Variants in GPHN observed in about 807,000 individuals in gnomAD.
GPHN encodes gephyrin.
GPHN carries 17 observed loss-of-function variants against 95.5 expected under a neutral mutation model. The observed-to-expected ratio is 0.18, with a 90% CI of 0.12 to 0.27. The LOEUF is 0.27. GPHN is among the 10% of genes least tolerant of loss of function. GPHN has a pLI of 1.00. For missense variants in GPHN, 660 were observed against 978.1 expected, an observed-to-expected ratio of 0.67 and a Z score of 4.34; for synonymous variants, 320 against 322.5, an observed-to-expected ratio of 0.99 and a Z score of 0.08.
chr14:66,994,272 G>A (rs1006299485), intron 9 of GPHN, among the ~76,000 whole-genome samples: 4 of 152,048 alleles, frequency 2.6e-5, no homozygotes, highest in South Asian at 2.1e-4. Context: ...AGGCTGAAGC[G>A]AGAGAATTGC....
chr14:67,473,231 A>T, the GPHN span: 1 of 725,484 alleles, frequency 1.4e-6, no homozygotes, highest in Non-Finnish European at 2.2e-6. This position sits in a 1 kb window ranked among gnomAD's most constrained non-coding sequence, Gnocchi z 6.5. Context: ...TCCACACCCC[A>T]TCCCCCAACA....
the GPHN span, among the ~76,000 whole-genome samples, chr14:67,371,174 G>A: frequency 0.16 from 23,566 of 151,960 alleles, 3,454 homozygotes; most frequent in East Asian, 0.42. Context: ...CAGCAATTTC[G>A]GATGCTGAGA....
the GPHN span, chr14:67,473,143 C>T: frequency 2.1e-6 from 1 of 473,324 alleles, no homozygotes; most frequent in African/African-American, 2.0e-5. This position sits in a 1 kb window ranked among gnomAD's most constrained non-coding sequence, Gnocchi z 6.5. Flanking sequence ...TCCATCGCTG[C>T]TCAGCCACAG....
chr14:67,662,337 T>G, the GPHN span: 1 of 742,812 alleles, frequency 1.3e-6, no homozygotes, highest in Non-Finnish European at 2.2e-6. Context: ...ACCATCCCCA[T>G]CAACTGGCTT....
chr14:66,940,424 CT>C (rs1439916298), intron 8 of GPHN, among the ~76,000 whole-genome samples: 3 of 152,108 alleles, frequency 2.0e-5, no homozygotes, highest in African/African-American at 7.2e-5. Flanking sequence ...AGGTGTTCCT[CT>C]TTCTTTCCTC....
chr14:66,989,905 G>A (rs527447480), intron 9 of GPHN, among the ~76,000 whole-genome samples: 141 of 152,186 alleles, frequency 9.3e-4, no homozygotes, highest in African/African-American at 3.0e-3. Flanking sequence ...ATTGGCATTC[G>A]GTGATGATTT....
At chr14:67,462,520 A>C in the GPHN span, among the ~76,000 whole-genome samples, 2 of 152,126 alleles carry the variant, frequency 1.3e-5, no homozygotes, top group South Asian at 2.1e-4. Flanking sequence ...TAATTTCTTT[A>C]AAAAACAGAG....
At chr14:67,337,244 G>C in the GPHN span, 3 of 152,692 alleles carry the variant, frequency 2.0e-5, no homozygotes, top group Non-Finnish European at 2.9e-5. Flanking sequence ...GGGCATGGTG[G>C]CTTATGCCTG....
At chr14:66,561,188 T>A (rs968511066) in intron 1 of GPHN, among the ~76,000 whole-genome samples, 2 of 152,162 alleles carry the variant, frequency 1.3e-5, no homozygotes, top group Non-Finnish European at 2.9e-5. Context: ...ATCAAGGATA[T>A]TGGTCTAAAA....
chr14:67,686,339 TAA>T, the GPHN span: 1 of 152,192 alleles, frequency 6.6e-6, no homozygotes, highest in East Asian at 1.9e-4. Context: ...TTAAAGGTCT[TAA>T]AAGAGTGCCT....
intron 3 of GPHN, among the ~76,000 whole-genome samples, chr14:66,805,035 C>T (rs1029863039): frequency 3.9e-5 from 6 of 152,096 alleles, no homozygotes; most frequent in African/African-American, 1.2e-4. Context: ...GTCTGTTTCA[C>T]GCTGCTGATA....
At chr14:67,543,781 C>CA in the GPHN span, among the ~76,000 whole-genome samples, 47 of 148,978 alleles carry the variant, frequency 3.2e-4, no homozygotes, top group African/African-American at 4.2e-4. Flanking sequence ...AACAAAATAA[C>CA]AAAAAAAAAA....
At chr14:66,709,540 G>A (rs1595640769) in intron 2 of GPHN, 1 of 377,320 alleles carries the variant, frequency 2.7e-6, no homozygotes, top group Non-Finnish European at 5.4e-6. Context: ...GGGATGGAGT[G>A]GGAAGGTGTA....
At chr14:67,152,666 G>GAATA (rs1466674743) in intron 18 of GPHN, among the ~76,000 whole-genome samples, 1 of 152,124 alleles carries the variant, frequency 6.6e-6, no homozygotes, top group African/African-American at 2.4e-5. Context: ...CATTTCTTTG[G>GAATA]AATAAAATTA....
chr14:67,076,181 A>T (rs2076485869), intron 11 of GPHN, among the ~76,000 whole-genome samples: 2 of 152,116 alleles, frequency 1.3e-5, no homozygotes, highest in Admixed American at 1.3e-4. Flanking sequence ...TGGAGGCAAG[A>T]CCCTCCACCA....
At chr14:67,517,266 C>G in the GPHN span, among the ~76,000 whole-genome samples, 1 of 152,166 alleles carries the variant, frequency 6.6e-6, no homozygotes, top group South Asian at 2.1e-4. Flanking sequence ...CTGTGGCCGG[C>G]GGCTGGCAGC....
the GPHN span, chr14:67,726,116 G>A: frequency 1.2e-6 from 2 of 1,614,036 alleles, no homozygotes; most frequent in South Asian, 2.2e-5. Flanking sequence ...TTCCAAGACA[G>A]CTGATGGCTT....
At chr14:66,684,179 CT>C (rs561687302) in intron 2 of GPHN, among the ~76,000 whole-genome samples, 150 of 152,140 alleles carry the variant, frequency 9.9e-4, no homozygotes, top group African/African-American at 3.5e-3. Flanking sequence ...ATTTGAGCTG[CT>C]GATACTGAAA....
At chr14:67,609,174 C>T in the GPHN span, among the ~76,000 whole-genome samples, 3 of 152,222 alleles carry the variant, frequency 2.0e-5, no homozygotes, top group South Asian at 2.1e-4. Flanking sequence ...CCACTGTTCT[C>T]GGTGTCTTTT....
Sources: allele counts gnomAD v4.1 joint callset (sites outside exome capture counted in the v4.1 genomes callset), GRCh38; gene constraint gnomAD v4.1.1; non-coding constraint Gnocchi (gnomAD v3.1); transcripts MANE v1.5; gene names NCBI Gene and HGNC (gene_info 2026-07-23, HGNC 2026-07-21).